Variants in ASAP1 observed in about 807,000 individuals in gnomAD.
The protein encoded by ASAP1 is ArfGAP with SH3 domain, ankyrin repeat and PH domain 1, also known as arf-GAP with SH3 domain, ANK repeat and PH domain-containing protein 1.
Under a neutral mutation model 145.2 loss-of-function variants are expected in ASAP1, and 43 were observed. The observed-to-expected ratio is 0.30, with a 90% CI of 0.23 to 0.38. The LOEUF is 0.38. ASAP1 is among the 10% of genes least tolerant of loss of function. ASAP1 has a pLI of 1.00. For missense variants in ASAP1, 1,018 were observed against 1,355.3 expected (o/e 0.75, Z 3.91); for synonymous variants, 546 against 515.5 (o/e 1.06, Z -0.80).
At position 130,068,925 on chromosome 8, in the gene ASAP1, T is replaced by C. The variant is rs1375914328; in HGVS notation, c.2701+7423A>G. Among the ~76,000 whole-genome samples, 9 of 152,166 alleles carry C rather than the reference T, an allele frequency of 5.9e-5. No homozygotes were observed. The South Asian group carries it at 6.2e-4, about 10-fold the overall frequency. Reference sequence around the variant, plus strand: ...CCATGTGATATTACTCCTACAGAAATGAACAGTTCAAGAAGCCTTATTAAA... The same window carrying C: ...CCATGTGATATTACTCCTACAGAAACGAACAGTTCAAGAAGCCTTATTAAA... On this transcript the variant is annotated intron_variant, in intron 27 of 29. Transcript: ENST00000518721.
chr8:130,254,919 C>A (rs1198121864), intron 3 of ASAP1, among the ~76,000 whole-genome samples: 1 of 152,070 alleles, frequency 6.6e-6, no homozygotes, highest in African/African-American at 2.4e-5. Flanking sequence ...CAAAATAATA[C>A]CTTATATCTT....
Position 130,334,070 on chromosome 8 carries a change from A to C in ASAP1, c.186+23947T>G, listed in dbSNP as rs76055712. ...AGTCCAGAAAGATGAGTAGGTGTTC[A>C]TCTGGTACAGGAGGAGGCAAGGAGA... On this transcript the variant is annotated intron_variant, in intron 3 of 29. Transcript: ENST00000518721. 6.0e-3 allele frequency among the ~76,000 whole-genome samples: 916 copies of C among 152,330 alleles called. 4 individuals carry two copies. The highest frequency in any genetic ancestry group is 7.3e-3 in the Non-Finnish European group (500 of 68,030).
intron 13 of ASAP1, among the ~76,000 whole-genome samples, chr8:130,143,452 A>G (rs2097617983): frequency 6.7e-6 from 1 of 149,250 alleles, no homozygotes; most frequent in Non-Finnish European, 1.5e-5. Flanking sequence ...ACTTGTATAT[A>G]CTATTTTGTA....
chr8:130,140,618 C>G (rs1415942348), intron 13 of ASAP1, among the ~76,000 whole-genome samples: 2 of 152,206 alleles, frequency 1.3e-5, no homozygotes, highest in Non-Finnish European at 2.9e-5. Context: ...TGACCCACAA[C>G]TTCAGTGGTG....
intron 24 of ASAP1, among the ~76,000 whole-genome samples, chr8:130,107,513 AAAATGTATGTATGT>A (rs1592815649): frequency 8.5e-6 from 1 of 117,280 alleles, no homozygotes; most frequent in African/African-American, 3.3e-5. Context: ...TTTTTTTTAA[AAAATGTATGTATGT>A]ATGTATGTAT....
chr8:130,350,399 A>G (rs1367775402), intron 3 of ASAP1, among the ~76,000 whole-genome samples: 3 of 152,174 alleles, frequency 2.0e-5, no homozygotes, highest in Admixed American at 6.5e-5. Context: ...ATGAGGACTA[A>G]ACTAGATCTG....
intron 2 of ASAP1, among the ~76,000 whole-genome samples, chr8:130,399,981 A>G (rs1419750029): frequency 6.6e-6 from 1 of 152,072 alleles, no homozygotes; most frequent in Non-Finnish European, 1.5e-5. Context: ...CACCATGCCC[A>G]GCTAATTTTG....
At chr8:130,121,364 C>T (rs1460569688) in intron 18 of ASAP1, among the ~76,000 whole-genome samples, 2 of 152,186 alleles carry the variant, frequency 1.3e-5, no homozygotes, top group South Asian at 4.1e-4. Context: ...TTAGCACCAT[C>T]CCTGACCTCT....
chr8:130,340,267 A>C (rs1021528502), intron 3 of ASAP1, among the ~76,000 whole-genome samples: 9 of 152,210 alleles, frequency 5.9e-5, no homozygotes, highest in African/African-American at 2.2e-4. Context: ...AGGGAATGAA[A>C]AACACCTGGG....
chr8:130,177,678 A>G (rs1814059206), intron 9 of ASAP1, among the ~76,000 whole-genome samples: 1 of 152,220 alleles, frequency 6.6e-6, no homozygotes, highest in Non-Finnish European at 1.5e-5. Context: ...AGACACTTAT[A>G]TAAGGTACAA....
chr8:130,110,508 C>T (rs2097544932), intron 24 of ASAP1, among the ~76,000 whole-genome samples: 1 of 152,170 alleles, frequency 6.6e-6, no homozygotes, highest in Admixed American at 6.5e-5. Context: ...AGGGAAGCAG[C>T]AACACAGCAT....
chr8:130,183,606 T>C (rs1191351117), intron 7 of ASAP1, among the ~76,000 whole-genome samples: 3 of 152,160 alleles, frequency 2.0e-5, no homozygotes, highest in African/African-American at 7.2e-5. Flanking sequence ...TTTCCCAAAG[T>C]GCTGGGACCA....
intron 8 of ASAP1, among the ~76,000 whole-genome samples, chr8:130,180,403 T>TA (rs1210027117): frequency 6.6e-6 from 1 of 152,152 alleles, no homozygotes; most frequent in African/African-American, 2.4e-5. Context: ...GACATATGGT[T>TA]AAAAAAACAT....
At chr8:130,274,405 T>C (rs1820757043) in intron 3 of ASAP1, among the ~76,000 whole-genome samples, 1 of 152,188 alleles carries the variant, frequency 6.6e-6, no homozygotes, top group South Asian at 2.1e-4. Flanking sequence ...GTTACTATGT[T>C]CTTTGGTAGA....
chr8:130,385,016 A>G (rs1827947741), intron 2 of ASAP1, among the ~76,000 whole-genome samples: 1 of 152,186 alleles, frequency 6.6e-6, no homozygotes, highest in Admixed American at 6.5e-5. Context: ...CTTGAGGTCC[A>G]AATATTGTCT....
chr8:130,320,729 A>C (rs1823953158), intron 3 of ASAP1, among the ~76,000 whole-genome samples: 1 of 152,170 alleles, frequency 6.6e-6, no homozygotes, highest in South Asian at 2.1e-4. Context: ...ACATTAAAAA[A>C]AAATGGAGAA....
chr8:130,296,580 T>C (rs999295171), intron 3 of ASAP1, among the ~76,000 whole-genome samples: 2 of 151,772 alleles, frequency 1.3e-5, no homozygotes, highest in East Asian at 1.9e-4. Context: ...AGATTTATCA[T>C]TCATTACATG....
intron 13 of ASAP1, among the ~76,000 whole-genome samples, chr8:130,150,723 T>C (rs1292594492): frequency 2.0e-5 from 3 of 151,826 alleles, no homozygotes; most frequent in African/African-American, 7.3e-5. Flanking sequence ...TACAAAAAAA[T>C]ACCAAAATTA....
intron 3 of ASAP1, among the ~76,000 whole-genome samples, chr8:130,269,578 C>A (rs1055896737): frequency 6.6e-6 from 1 of 152,202 alleles, no homozygotes; most frequent in Non-Finnish European, 1.5e-5. Flanking sequence ...TTCATACTGA[C>A]AGAGTGGTCA....
Sources: gnomAD v4.1 joint callset for allele counts (sites outside exome capture counted in the v4.1 genomes callset) on GRCh38, gnomAD v4.1.1 for gene constraint, MANE v1.5 for transcripts, NCBI Gene and HGNC (gene_info 2026-07-23, HGNC 2026-07-21) for gene names.